Variants in FRMPD4 observed in about 807,000 individuals in gnomAD.
FRMPD4 encodes FERM and PDZ domain-containing protein 4.
In FRMPD4, 22 loss-of-function variants were observed where a neutral mutation model predicts 94.1. The observed-to-expected ratio is 0.23, with a 90% CI of 0.17 to 0.33. FRMPD4 has a LOEUF of 0.33. FRMPD4 is among the 10% of genes least tolerant of loss of function. FRMPD4 has a pLI of 1.00. For missense variants in FRMPD4, 1,111 were observed against 1,339.9 expected, an observed-to-expected ratio of 0.83 and a Z score of 2.67; for synonymous variants, 631 against 548.6, an observed-to-expected ratio of 1.15 and a Z score of -2.10.
At chrX:12,117,114 G>A (rs1376161961) in intron 3 of FRMPD4, among the ~76,000 whole-genome samples, 1 of 111,356 alleles carries the variant, frequency 9.0e-6, no homozygotes, top group African/African-American at 3.3e-5. Context: ...CAAATCTGAA[G>A]TTGCAGAATT....
intron 3 of FRMPD4, among the ~76,000 whole-genome samples, chrX:12,119,064 G>A (rs1194237039): frequency 9.0e-6 from 1 of 110,564 alleles, no homozygotes; most frequent in East Asian, 2.8e-4. Context: ...CTAATTTTTG[G>A]TTTGAGAGTG....
intron 1 of FRMPD4, among the ~76,000 whole-genome samples, chrX:12,494,324 CCA>C (rs2057823196): frequency 9.0e-6 from 1 of 111,696 alleles, no homozygotes; most frequent in Admixed American, 9.5e-5. Context: ...TCAGTTGTGA[CCA>C]CCAAAAATCT....
intron 3 of FRMPD4, among the ~76,000 whole-genome samples, chrX:11,917,597 G>C (rs765013637): frequency 8.9e-6 from 1 of 112,010 alleles, no homozygotes; most frequent in Non-Finnish European, 1.9e-5. Flanking sequence ...CAGCAACATG[G>C]ATACAGCTGG....
intron 2 of FRMPD4, among the ~76,000 whole-genome samples, chrX:12,580,661 T>C (rs147583421): frequency 0.021 from 2,356 of 111,535 alleles, 66 homozygotes; most frequent in African/African-American, 0.072. Flanking sequence ...GTGAGTGATA[T>C]AGACGTTGTG....
intron 3 of FRMPD4, among the ~76,000 whole-genome samples, chrX:12,107,475 T>C (rs1006059853): frequency 8.9e-6 from 1 of 111,797 alleles, no homozygotes; most frequent in Non-Finnish European, 1.9e-5. Flanking sequence ...AGCTGAAGAT[T>C]GTAAAAATCA....
chrX:12,145,650 G>T (rs929486439), intron 1 of FRMPD4, among the ~76,000 whole-genome samples: 2 of 112,931 alleles, frequency 1.8e-5, no homozygotes, highest in Non-Finnish European at 3.7e-5. Flanking sequence ...CCTTTTGTTT[G>T]TATACTGTGG....
At chrX:12,679,495 T>TG (rs1339156182) in intron 5 of FRMPD4, among the ~76,000 whole-genome samples, 1 of 111,106 alleles carries the variant, frequency 9.0e-6, no homozygotes, top group Non-Finnish European at 1.9e-5. Context: ...GGAATTTCAT[T>TG]GGTCTCTTTA....
At chrX:11,868,159 T>C (rs1269622406) in intron 2 of FRMPD4, among the ~76,000 whole-genome samples, 10 of 112,294 alleles carry the variant, frequency 8.9e-5, no homozygotes, top group African/African-American at 3.2e-4. Context: ...GCTGAAAAGA[T>C]TCGATGAATG....
chrX:12,347,409 T>A (rs1326156069), intron 1 of FRMPD4, among the ~76,000 whole-genome samples: 2 of 110,248 alleles, frequency 1.8e-5, no homozygotes, highest in Non-Finnish European at 3.8e-5. Context: ...GGCTAATTTT[T>A]TTTTTTAGTA....
In FRMPD4 at chrX:12,717,538, G is replaced by A. The variant is rs145038513; in HGVS notation, c.2712G>A (p.Ser904=). The change falls in exon 16 of 17, where the codon TCG becomes TCA. Residue 904 remains serine, a synonymous_variant. Transcript: ENST00000675598. ...TGCGGGCTTATAGTCCTGAGTCTTCGTCAGACTCGGGCAATGAAACTAACT... is the reference window on the plus strand; with the variant it reads ...TGCGGGCTTATAGTCCTGAGTCTTCATCAGACTCGGGCAATGAAACTAACT... The part of the protein sequence containing the change: ...AILRAYSPES[S]SDSGNETNSS... 1.5e-5 allele frequency: 18 copies of A among 1,199,859 alleles called. No individual in the cohort carries two copies. The highest frequency in any genetic ancestry group is 7.0e-5 in the African/African-American group (4 of 56,819).
chrX:11,833,745 G>T (rs2053487293), intron 1 of FRMPD4, among the ~76,000 whole-genome samples: 1 of 111,795 alleles, frequency 8.9e-6, no homozygotes, highest in Non-Finnish European at 1.9e-5. Context: ...TTCCTTCCCT[G>T]CATTTTGCAG....
chrX:12,495,146 G>A, intron 1 of FRMPD4: 1 of 194,778 alleles, frequency 5.1e-6, no homozygotes, highest in Non-Finnish European at 7.8e-6. Context: ...GGGAAGGTGT[G>A]ACTGCTTGGT....
chrX:12,109,136 C>T (rs758458739), intron 3 of FRMPD4, among the ~76,000 whole-genome samples: 7 of 112,068 alleles, frequency 6.2e-5, no homozygotes, highest in Non-Finnish European at 1.1e-4. Context: ...CTCAGCACCA[C>T]ATCACACTTA....
At chrX:12,110,129 T>C (rs967228553) in intron 3 of FRMPD4, among the ~76,000 whole-genome samples, 1 of 112,284 alleles carries the variant, frequency 8.9e-6, no homozygotes, top group Admixed American at 9.4e-5. Flanking sequence ...AAGAGAATTT[T>C]AGACTGATAT....
At chrX:12,368,683 A>C (rs979145070) in intron 1 of FRMPD4, among the ~76,000 whole-genome samples, 1 of 111,602 alleles carries the variant, frequency 9.0e-6, no homozygotes, top group Non-Finnish European at 1.9e-5. Context: ...GTTCAAGACC[A>C]ACCTGCCCAG....
intron 1 of FRMPD4, among the ~76,000 whole-genome samples, chrX:12,347,356 G>A (rs927348116): frequency 9.0e-6 from 1 of 110,657 alleles, no homozygotes; most frequent in African/African-American, 3.3e-5. Flanking sequence ...TTCTGCCTCA[G>A]CCTCTCAAGT....
intron 1 of FRMPD4, among the ~76,000 whole-genome samples, chrX:12,426,886 G>GTTT (rs11381836): frequency 1.9e-5 from 2 of 103,541 alleles, no homozygotes; most frequent in African/African-American, 7.2e-5. Flanking sequence ...GTTTTTTTTT[G>GTTT]TTTTTTTTTA....
chrX:12,639,686 T>C (rs927878576), intron 4 of FRMPD4, among the ~76,000 whole-genome samples: 9 of 112,514 alleles, frequency 8.0e-5, no homozygotes, highest in African/African-American at 2.6e-4. Context: ...TTTCACACTA[T>C]GTGTTCTTCC....
chrX:11,910,919 A>T (rs778318859), intron 3 of FRMPD4, among the ~76,000 whole-genome samples: 1 of 108,907 alleles, frequency 9.2e-6, no homozygotes, highest in South Asian at 3.9e-4. Context: ...TACAAAAAAG[A>T]AATGTAACCC....
Sources: gnomAD v4.1 joint callset for allele counts (sites outside exome capture counted in the v4.1 genomes callset) on GRCh38, gnomAD v4.1.1 for gene constraint, MANE v1.5 for transcripts, NCBI Gene and HGNC (gene_info 2026-07-23, HGNC 2026-07-21) for gene names.